TNRC18: variants seen among roughly 807,000 people sequenced by gnomAD.
The protein encoded by TNRC18 is trinucleotide repeat containing 18, also known as trinucleotide repeat-containing gene 18 protein.
A neutral mutation model predicts 226.7 loss-of-function variants in TNRC18; 69 were observed. That is an observed-to-expected ratio of 0.30 (90% CI 0.25 to 0.37). The LOEUF (loss-of-function observed/expected upper bound fraction) is 0.37, where lower values mean the gene tolerates loss of function less well. Ranked by LOEUF, TNRC18 falls within the 10% of genes least tolerant of loss-of-function variation. The pLI is 1.00. For missense variants in TNRC18, 4,754 were observed against 4,256.6 expected, an observed-to-expected ratio of 1.12 and a Z score of -3.25; for synonymous variants, 2,449 against 1,927.6, an observed-to-expected ratio of 1.27 and a Z score of -7.09.
In TNRC18 at chr7:5,377,567, C is replaced by T; in HGVS notation, c.2265G>A (p.Lys755=). ...GCAGGCGGGCCAGGTCAGCCAGCTC[C>T]TTACTCTCTCTGGAAGGAGGATCAT... ...RDQEKLLRES[K]ELADLARLHP... The change falls in exon 7 of 30, where the codon AAG becomes AAA. Residue 755 remains lysine (K), a synonymous_variant. Transcript: ENST00000430969. The surrounding 1 kb of genome is among the most constrained non-coding windows in gnomAD (Gnocchi z 5.8). 1 of 1,579,378 alleles carries T rather than the reference C, an allele frequency of 6.3e-7. No individual in the cohort carries two copies. The highest frequency in any genetic ancestry group is 8.6e-7 in the Non-Finnish European group (1 of 1,162,944).
At chr7:5,369,012 A>G (rs1055724828) in intron 11 of TNRC18, among the ~76,000 whole-genome samples, 2 of 152,284 alleles carry the variant, frequency 1.3e-5, no homozygotes, top group Non-Finnish European at 2.9e-5. Context: ...GGTAATGATC[A>G]GCGCAGCCCA....
At chr7:5,369,665 TG>T (rs1048133648) in intron 11 of TNRC18, among the ~76,000 whole-genome samples, 3 of 152,164 alleles carry the variant, frequency 2.0e-5, no homozygotes, top group Admixed American at 1.3e-4. Flanking sequence ...TTTCTTGGCT[TG>T]AACACCTAGA....
In TNRC18 at chr7:5,388,820, A is replaced by G. The variant is rs1780034270; in HGVS notation, c.1004T>C (p.Leu335Pro). The G allele has an allele frequency of 8.4e-7, 1 of 1,187,120 alleles. No individual in the cohort carries two copies. Among genetic ancestry groups the G allele is most frequent in the Non-Finnish European group, 1.0e-6 (1 of 958,336 alleles). 73.5% of individuals were successfully genotyped at this position (1,187,120 alleles called of 1,614,324 possible). ...CTTGGGGGGCGCGGGCGGCGGGGGC[A>G]GCGGTGAGGGGCAGGGGCGCGGCCC... ...LPGPRPCPSP[L>P]PPPPAPPKGP... Residue 335 changes from leucine to proline, a missense_variant, in exon 5 of 30, where the codon CTG (leucine) becomes CCG (proline). By Grantham distance (98) the Leu-to-Pro change is moderately conservative. Transcript: ENST00000430969.
chr7:5,339,503 G>C (rs912761914), intron 18 of TNRC18, among the ~76,000 whole-genome samples: 8 of 151,608 alleles, frequency 5.3e-5, no homozygotes, highest in African/African-American at 1.7e-4. Flanking sequence ...GCCTCCCAAA[G>C]TGCTGGGATT....
chr7:5,346,402 C>A (rs2128140548), intron 17 of TNRC18, among the ~76,000 whole-genome samples: 1 of 152,132 alleles, frequency 6.6e-6, no homozygotes, highest in East Asian at 1.9e-4. Context: ...AGAGTCGACT[C>A]CTGGCATCGC....
Position 5,388,152 on chromosome 7 carries a change from G to C in TNRC18, c.1672C>G (p.Leu558Val). ...KKAYLDPGAV[L>V]PRSAATCGRP... ...CCGCAGGTGGCCGCCGAGCGGGGCAGCACAGCCCCAGGGTCCAGGTAGGCC... is the reference window on the plus strand; with the variant it reads ...CCGCAGGTGGCCGCCGAGCGGGGCACCACAGCCCCAGGGTCCAGGTAGGCC... The change falls in exon 5 of 30, where the codon CTG becomes GTG. Residue 558 changes from leucine to valine, a missense_variant. Transcript: ENST00000430969. 1 of 1,567,772 alleles carries C rather than the reference G, an allele frequency of 6.4e-7. No homozygotes were observed. The highest frequency in any genetic ancestry group is 8.6e-7 in the Non-Finnish European group (1 of 1,158,328).
chr7:5,383,957 A>ATTTTTTTTT (rs765430615), intron 5 of TNRC18, among the ~76,000 whole-genome samples: 6 of 78,800 alleles, frequency 7.6e-5, no homozygotes, highest in Non-Finnish European at 1.1e-4. Context: ...TACCCGGGTG[A>ATTTTTTTTT]TTTTTTTTTT....
chr7:5,381,206 G>C (rs145730454), intron 5 of TNRC18, among the ~76,000 whole-genome samples: 14 of 152,218 alleles, frequency 9.2e-5, no homozygotes, highest in African/African-American at 3.4e-4. Context: ...AAGAGAGATA[G>C]TGAGCCCTCT....
chr7:5,366,315 TA>T (rs1793615034), intron 11 of TNRC18, among the ~76,000 whole-genome samples: 2 of 127,450 alleles, frequency 1.6e-5, no homozygotes, highest in African/African-American at 3.1e-5. Context: ...GCTCTTCTTA[TA>T]TCTTTTTTTT....
intron 17 of TNRC18, among the ~76,000 whole-genome samples, chr7:5,349,978 C>T (rs1791613625): frequency 6.6e-6 from 1 of 152,150 alleles, no homozygotes; most frequent in South Asian, 2.1e-4. Context: ...CTTGGCACTG[C>T]GGCGCCAGCC....
chr7:5,420,960 G>C (rs575594973), intron 2 of TNRC18, 100 bp downstream of exon 2: 5 of 1,452,584 alleles, frequency 3.4e-6, no homozygotes, highest in African/African-American at 1.4e-5. Context: ...GCCGACCGAA[G>C]GAGAGTCGCC....
In TNRC18 at chr7:5,394,294, G is replaced by A. The variant is rs1780503617; in HGVS notation, c.343+146C>T. ...TGACAGTGACAAGAAGAAGCCCTGA[G>A]CGTTTGAGAAACAACAGGGAAGCCA... On this transcript the variant is annotated intron_variant, in intron 3 of 29. Coordinates refer to ENST00000430969, the MANE Select transcript of TNRC18 (RefSeq NM_001080495.3). The surrounding 1 kb of genome is among the most constrained non-coding windows in gnomAD (Gnocchi z 4.5). 2.9e-6 allele frequency: 2 copies of A among 691,466 alleles called. No homozygotes were observed. The highest frequency in any genetic ancestry group is 4.6e-6 in the Non-Finnish European group (2 of 438,240). 42.8% of individuals were successfully genotyped at this position (691,466 alleles called of 1,614,324 possible). A position where few individuals can be genotyped will look rare whatever the true frequency, so the allele number is the denominator to read the frequency against.
In TNRC18 at chr7:5,388,907, T is replaced by A. The variant is rs1780045636; in HGVS notation, c.917A>T (p.Lys306Met). 1.5e-6 allele frequency: 2 copies of A among 1,365,488 alleles called. No homozygotes were observed. The allele number at this position is 1,365,488 out of a possible 1,614,324, so 84.6% of individuals were successfully genotyped here. A position where few individuals can be genotyped will look rare whatever the true frequency, so the allele number is the denominator to read the frequency against. ...LVAEAGRGGA[K>M]EAARQDEGAR... is the part of the protein sequence containing the mutation. ...GCCCTCGTCCTGCCGGGCAGCCTCC[T>A]TGGCACCCCCGCGCCCCGCTTCGGC... is the stretch of plus-strand genomic sequence containing the variant. Residue 306 changes from lysine to methionine, a missense_variant, in exon 5 of 30, where the codon AAG (lysine) becomes ATG (methionine). By Grantham distance (95) the Lys-to-Met change is moderately conservative. Coordinates refer to ENST00000430969, the MANE Select transcript of TNRC18 (RefSeq NM_001080495.3).
intron 29 of TNRC18, among the ~76,000 whole-genome samples, chr7:5,308,555 G>A (rs182345259): frequency 6.6e-6 from 1 of 152,174 alleles, no homozygotes; most frequent in African/African-American, 2.4e-5. Flanking sequence ...GAGAGACAGA[G>A]ACCGAGATCG....
chr7:5,334,981 G>C (rs1448612361), intron 18 of TNRC18, among the ~76,000 whole-genome samples: 2 of 152,128 alleles, frequency 1.3e-5, no homozygotes, highest in Non-Finnish European at 2.9e-5. Context: ...GAGAAGTCTA[G>C]AAACTGGCAA....
chr7:5,308,234 C>G lies in TNRC18; in HGVS notation c.8779G>C (p.Glu2927Gln), dbSNP rs992210521. The change falls in exon 30 of 30, where the codon GAG becomes CAG. Residue 2927 changes from glutamate (E) to glutamine (Q), a missense_variant. Physicochemically the swap from Glu to Gln is conservative, Grantham distance 29 (BLOSUM62 2). Transcript: ENST00000430969. Reference protein sequence around the residue: ...VSHKCLVVGLEQYEQMLKTKK... With the variant: ...VSHKCLVVGLQQYEQMLKTKK... Reference sequence around the variant, plus strand: ...GTCTTCAGCATCTGCTCATACTGCTCCAGGCCCACCACCAGGCACTTGTGC... The same window carrying G: ...GTCTTCAGCATCTGCTCATACTGCTGCAGGCCCACCACCAGGCACTTGTGC... 1.2e-6 allele frequency: 2 copies of G among 1,612,682 alleles called. No homozygotes were observed. Among genetic ancestry groups the G allele is most frequent in the Non-Finnish European group, 8.5e-7 (1 of 1,179,514 alleles).
intron 17 of TNRC18, among the ~76,000 whole-genome samples, chr7:5,347,934 CAG>C (rs1171963293): frequency 1.3e-5 from 2 of 152,150 alleles, no homozygotes; most frequent in Admixed American, 6.5e-5. Context: ...GCCTAGGTGA[CAG>C]AGCAAGACTC....
intron 17 of TNRC18, among the ~76,000 whole-genome samples, chr7:5,349,059 C>G (rs909448163): frequency 1.3e-4 from 20 of 152,186 alleles, no homozygotes; most frequent in Non-Finnish European, 2.9e-4. Flanking sequence ...CTTTCCCATC[C>G]AGAGGAATTC....
intron 24 of TNRC18, 105 bp downstream of exon 24, chr7:5,320,213 C>T: frequency 2.3e-6 from 2 of 870,146 alleles, no homozygotes; most frequent in East Asian, 2.7e-5. Flanking sequence ...TATGTGAGCC[C>T]ACAAGTCTTT....
Sources: allele counts gnomAD v4.1 joint callset (sites outside exome capture counted in the v4.1 genomes callset), GRCh38; gene constraint gnomAD v4.1.1; non-coding constraint Gnocchi (gnomAD v3.1); transcripts MANE v1.5; gene names NCBI Gene and HGNC (gene_info 2026-07-23, HGNC 2026-07-21).